Variants in TUSC3 observed in about 807,000 individuals in gnomAD.
TUSC3 encodes tumor suppressor candidate 3, also known as dolichyl-diphosphooligosaccharide--protein glycosyltransferase subunit TUSC3.
In TUSC3, 45 loss-of-function variants were observed where a neutral mutation model predicts 44.8. That is an observed-to-expected ratio of 1.00 (90% CI 0.79 to 1.29). TUSC3 has a LOEUF of 1.29. Ranked by LOEUF, TUSC3 falls within the 50% of genes most tolerant of loss-of-function variation. The probability of loss-of-function intolerance (pLI) is 0.00; values close to 1 mark genes in which losing one functional copy is unlikely to be tolerated. For synonymous variants in TUSC3, 212 were observed against 152.9 expected (o/e 1.39, Z -2.85); for missense variants, 519 against 437.9 (o/e 1.19, Z -1.65).
At chr8:15,674,325 C>T (rs571384926) in intron 6 of TUSC3, among the ~76,000 whole-genome samples, 3 of 152,060 alleles carry the variant, frequency 2.0e-5, no homozygotes, top group South Asian at 2.1e-4. Flanking sequence ...GCAGAGTTTA[C>T]GTTAGTAACT....
intron 3 of TUSC3, among the ~76,000 whole-genome samples, chr8:15,656,720 C>T (rs953015289): frequency 6.6e-6 from 1 of 152,194 alleles, no homozygotes; most frequent in African/African-American, 2.4e-5. Flanking sequence ...CAGCAGAGGC[C>T]CTGCTGCTGT....
chr8:15,748,466 G>C lies in TUSC3; in HGVS notation c.1028+1G>C. The C allele has an allele frequency of 6.3e-7, 1 of 1,596,072 alleles. No homozygotes were observed. The highest frequency in any genetic ancestry group is 1.7e-5 in the Admixed American group (1 of 59,948). On this transcript the variant is annotated splice_donor_variant, in intron 9 of 10. Coordinates refer to ENST00000503731, the MANE Select transcript of TUSC3 (RefSeq NM_006765.4). LOFTEE classifies it high-confidence loss of function. ...CCAAGTACCACGGCTATCCTTATAG[G>C]TAATATCTTTATACTAACATGAATG...
the TUSC3 span, among the ~76,000 whole-genome samples, chr8:15,837,859 A>C: frequency 2.4e-3 from 370 of 152,218 alleles, 1 homozygote; most frequent in Non-Finnish European, 3.9e-3. Flanking sequence ...CTTGGTTTAG[A>C]AGTTATTTTG....
intron 2 of TUSC3, among the ~76,000 whole-genome samples, chr8:15,529,343 C>T (rs1585077335): frequency 6.6e-6 from 1 of 151,944 alleles, no homozygotes; most frequent in Non-Finnish European, 1.5e-5. Flanking sequence ...TTGATAAATG[C>T]TATTAAATTA....
chr8:15,614,480 T>G (rs1804903297), intron 1 of TUSC3, among the ~76,000 whole-genome samples: 1 of 152,214 alleles, frequency 6.6e-6, no homozygotes, highest in Admixed American at 6.5e-5. Context: ...AGACAACTGC[T>G]TATCTACTTC....
intron 5 of TUSC3, among the ~76,000 whole-genome samples, chr8:15,673,260 G>C (rs7828245): frequency 0.21 from 31,587 of 151,774 alleles, 4,154 homozygotes; most frequent in Non-Finnish European, 0.3. Context: ...TTACTGTGTC[G>C]TAAACTTTGC....
chr8:15,469,328 C>G (rs770752581), intron 1 of TUSC3, among the ~76,000 whole-genome samples: 1 of 152,074 alleles, frequency 6.6e-6, no homozygotes, highest in African/African-American at 2.4e-5. Flanking sequence ...GAAATCAAAT[C>G]CATTAAAAAT....
chr8:15,758,019 A>C, intron 10 of TUSC3, 164 bp downstream of exon 10: 1 of 1,424,302 alleles, frequency 7.0e-7, no homozygotes, highest in Non-Finnish European at 9.1e-7. Flanking sequence ...TATTATGTTT[A>C]TCTGCCACAG....
chr8:15,803,964 G>T, the TUSC3 span, among the ~76,000 whole-genome samples: 1 of 152,098 alleles, frequency 6.6e-6, no homozygotes, highest in South Asian at 2.1e-4. Flanking sequence ...GGGCATTTGG[G>T]TTGCTTCCAA....
intron 1 of TUSC3, among the ~76,000 whole-genome samples, chr8:15,616,595 T>C (rs191760500): frequency 9.2e-5 from 14 of 152,318 alleles, no homozygotes; most frequent in Non-Finnish European, 1.5e-4. Flanking sequence ...ATTAATCTGT[T>C]TTATTGATTT....
intron 7 of TUSC3, among the ~76,000 whole-genome samples, chr8:15,739,260 T>C (rs182152552): frequency 2.6e-3 from 397 of 152,326 alleles, no homozygotes; most frequent in Non-Finnish European, 4.8e-3. Context: ...TATTCTAAAA[T>C]AGATTTTTGT....
At chr8:15,699,361 A>T (rs1279350341) in intron 6 of TUSC3, among the ~76,000 whole-genome samples, 2 of 152,102 alleles carry the variant, frequency 1.3e-5, no homozygotes, top group Non-Finnish European at 2.9e-5. Context: ...AAACTTGCAA[A>T]CTTTTAGACT....
intron 7 of TUSC3, among the ~76,000 whole-genome samples, chr8:15,737,498 T>A (rs1393793112): frequency 6.6e-6 from 1 of 152,132 alleles, no homozygotes; most frequent in Non-Finnish European, 1.5e-5. Context: ...AGGAAAATGA[T>A]CAACAGGATC....
chr8:15,425,206 T>C lies in TUSC3; in HGVS notation n.91+7901T>C, dbSNP rs115960818. The stretch of plus-strand genomic sequence containing the variant: ...AAGTAGTCAAGTTTTCCATTTTCAA[T>C]AAGAAATGTTAAAAGGAAACAGTGG... On this transcript the variant is annotated intron_variant and non_coding_transcript_variant, in intron 1 of 5. Coordinates refer to the TUSC3 transcript ENST00000503191. 6.8e-3 allele frequency among the ~76,000 whole-genome samples: 1,028 copies of C among 152,252 alleles called. 12 individuals carry two copies. Among genetic ancestry groups the C allele is most frequent in the African/African-American group, 0.023 (969 of 41,556 alleles).
intron 10 of TUSC3, among the ~76,000 whole-genome samples, chr8:15,758,578 T>C (rs537182038): frequency 2.0e-5 from 3 of 151,980 alleles, no homozygotes; most frequent in Non-Finnish European, 2.9e-5. Flanking sequence ...TACAGCCTTC[T>C]TACTCTGGCA....
chr8:15,423,969 GTTT>G lies in TUSC3; in HGVS notation n.91+6700_91+6702del, dbSNP rs112397215. On this transcript the variant is annotated intron_variant and non_coding_transcript_variant, in intron 1 of 5. Transcript: ENST00000503191. Reference sequence around the variant, plus strand: ...TACAGCATTCATACTGTTTTGCTTTGTTTTTTTTTTTTTTTTTTTTTTTTTTTT... The same window carrying G: ...TACAGCATTCATACTGTTTTGCTTTGTTTTTTTTTTTTTTTTTTTTTTTTT... Among the ~76,000 whole-genome samples the G allele has an allele frequency of 1.0e-3, 73 of 70,386 alleles. 6 individuals are homozygous for G. The highest frequency in any genetic ancestry group is 2.2e-3 in the African/African-American group (53 of 24,494). 46.2% of individuals were successfully genotyped at this position (70,386 alleles called of 152,430 possible). A position where few individuals can be genotyped will look rare whatever the true frequency, so the allele number is the denominator to read the frequency against.
intron 1 of TUSC3, among the ~76,000 whole-genome samples, chr8:15,482,569 G>T (rs1043277596): frequency 2.0e-5 from 3 of 152,140 alleles, no homozygotes; most frequent in Non-Finnish European, 2.9e-5. Flanking sequence ...TCATATAAAA[G>T]CTCTGATGAA....
At chr8:15,818,332 A>T in the TUSC3 span, among the ~76,000 whole-genome samples, 1 of 152,226 alleles carries the variant, frequency 6.6e-6, no homozygotes. Flanking sequence ...AATCCTTTTC[A>T]AACAGCTTTT....
At chr8:15,535,817 G>A (rs1407403440), upstream of TUSC3, among the ~76,000 whole-genome samples, 1 of 152,160 alleles carries the variant, frequency 6.6e-6, no homozygotes, top group Non-Finnish European at 1.5e-5. Context: ...GAAACTAGGA[G>A]ATGACGTGTT....
Sources: gnomAD v4.1 joint callset for allele counts (sites outside exome capture counted in the v4.1 genomes callset) on GRCh38, gnomAD v4.1.1 for gene constraint, MANE v1.5 for transcripts, NCBI Gene and HGNC (gene_info 2026-07-23, HGNC 2026-07-21) for gene names.